Variants in CDH4 observed in about 807,000 individuals in gnomAD.
CDH4 encodes cadherin-4.
CDH4 carries 33 observed loss-of-function variants against 86.0 expected under a neutral mutation model. That is an observed-to-expected ratio of 0.38 (90% CI 0.29 to 0.51). The LOEUF (loss-of-function observed/expected upper bound fraction) is 0.51. CDH4 is among the 20% of genes least tolerant of loss of function. The pLI is 0.86. For synonymous variants in CDH4, 555 were observed against 549.4 expected (o/e 1.01, Z -0.14); for missense variants, 1,114 against 1,307.4 (o/e 0.85, Z 2.28).
intron 4 of CDH4, among the ~76,000 whole-genome samples, chr20:61,816,088 C>T (rs570110375): frequency 4.1e-4 from 63 of 152,294 alleles, no homozygotes; most frequent in Middle Eastern, 6.8e-3. Flanking sequence ...GCAAGCACCC[C>T]GCAGAAGGGC....
intron 2 of CDH4, among the ~76,000 whole-genome samples, chr20:61,688,522 G>C (rs577234736): frequency 6.6e-6 from 1 of 152,240 alleles, no homozygotes; most frequent in Non-Finnish European, 1.5e-5. Context: ...CCCCTGGACC[G>C]CACTCTGGGC....
chr20:61,664,666 G>A (rs1175578378), intron 2 of CDH4, among the ~76,000 whole-genome samples: 1 of 152,218 alleles, frequency 6.6e-6, no homozygotes, highest in African/African-American at 2.4e-5. Context: ...ATAGAGCCTG[G>A]GCAGCCCAGA....
At chr20:61,303,931 T>G (rs993480119) in intron 2 of CDH4, among the ~76,000 whole-genome samples, 1 of 152,154 alleles carries the variant, frequency 6.6e-6, no homozygotes, top group Non-Finnish European at 1.5e-5. Context: ...CACCTCCTCT[T>G]AAATAATAGA....
At chr20:61,611,628 C>G (rs1361998414) in intron 2 of CDH4, among the ~76,000 whole-genome samples, 1 of 152,126 alleles carries the variant, frequency 6.6e-6, no homozygotes, top group Non-Finnish European at 1.5e-5. Context: ...TCAGAGGTCA[C>G]AAGAGCTTTT....
chr20:61,355,207 T>A (rs957315951), intron 2 of CDH4, among the ~76,000 whole-genome samples: 1 of 152,130 alleles, frequency 6.6e-6, no homozygotes, highest in Non-Finnish European at 1.5e-5. Flanking sequence ...CCCTGGAGAA[T>A]TGAAGTCCTT....
chr20:61,400,588 G>T (rs62199087), intron 2 of CDH4, among the ~76,000 whole-genome samples: 1 of 152,154 alleles, frequency 6.6e-6, no homozygotes, highest in Non-Finnish European at 1.5e-5. Flanking sequence ...ATATGGTCAC[G>T]CATGGATCCA....
At chr20:61,253,523 C>T (rs2084077935) in intron 1 of CDH4, among the ~76,000 whole-genome samples, 1 of 151,852 alleles carries the variant, frequency 6.6e-6, no homozygotes, top group African/African-American at 2.4e-5. Context: ...AAACAAGTGC[C>T]AGCGGCGGGA....
At chr20:61,585,945 TGATGAGGAG>T (rs1282061179) in intron 2 of CDH4, among the ~76,000 whole-genome samples, 5 of 147,320 alleles carry the variant, frequency 3.4e-5, no homozygotes, top group African/African-American at 1.3e-4. Flanking sequence ...GATGAGGTGG[TGATGAGGAG>T]GATGATGGTG....
intron 4 of CDH4, among the ~76,000 whole-genome samples, chr20:61,839,884 GTGTGTGTA>G (rs1038319303): frequency 1.8e-4 from 28 of 151,578 alleles, no homozygotes; most frequent in African/African-American, 6.6e-4. Context: ...CTTGTGTGGT[GTGTGTGTA>G]TGTGTGTACT....
At chr20:61,447,624 CT>C (rs11204461) in intron 2 of CDH4, among the ~76,000 whole-genome samples, 42,864 of 101,930 alleles carry the variant, frequency 0.42, 7,588 homozygotes, top group Admixed American at 0.48. Context: ...ATTCTACTTC[CT>C]TTTTTTTTTT....
rs527628620 is a variant in CDH4 at position 61,912,856 on chromosome 20, G to A, written c.1374+2249G>A. Among the ~76,000 whole-genome samples, 256 of 152,328 alleles carry A rather than the reference G, an allele frequency of 1.7e-3. 1 individual carries two copies. The highest frequency in any genetic ancestry group is 3.4e-3 in the Middle Eastern group (1 of 294). The stretch of plus-strand genomic sequence containing the variant: ...AAACCCTTTCTCCTTTTCTCTGGGC[G>A]CATTTGACCTCAAGCTAACATTCTA... On this transcript the variant is annotated intron_variant, in intron 9 of 15. Transcript: ENST00000614565.
chr20:61,727,110 C>T (rs1473162142), intron 2 of CDH4, among the ~76,000 whole-genome samples: 2 of 152,126 alleles, frequency 1.3e-5, no homozygotes, highest in African/African-American at 4.8e-5. Flanking sequence ...GAGCCATCAC[C>T]ATCGTTGCCA....
chr20:61,772,278 G>A (rs1019652340), intron 3 of CDH4, among the ~76,000 whole-genome samples: 2 of 151,942 alleles, frequency 1.3e-5, no homozygotes, highest in South Asian at 2.1e-4. Flanking sequence ...GTCAGCCTCC[G>A]CCCACTGACT....
chr20:61,728,698 C>T (rs2088142952), intron 2 of CDH4, among the ~76,000 whole-genome samples: 1 of 152,128 alleles, frequency 6.6e-6, no homozygotes, highest in South Asian at 2.1e-4. Context: ...TCTGAGCAGA[C>T]AGTATTGAAT....
chr20:61,566,967 G>T (rs1311710953), intron 2 of CDH4, among the ~76,000 whole-genome samples: 2 of 152,188 alleles, frequency 1.3e-5, no homozygotes, highest in East Asian at 3.9e-4. Context: ...TGATGGGCTT[G>T]CCTGCCTCGG....
At position 61,451,913 on chromosome 20, in the gene CDH4, A is replaced by T. The variant is rs147919088; in HGVS notation, c.169+196976A>T. Reference sequence around the variant, plus strand: ...TAGGCACTTAGATGATTTAGGGAGAAACCACTGGAAAATTAATTATCCAGA... The same window carrying T: ...TAGGCACTTAGATGATTTAGGGAGATACCACTGGAAAATTAATTATCCAGA... On this transcript the variant is annotated intron_variant, in intron 2 of 15. Coordinates refer to ENST00000614565, the MANE Select transcript of CDH4 (RefSeq NM_001794.5). 2.0e-3 allele frequency among the ~76,000 whole-genome samples: 298 copies of T among 152,362 alleles called. 2 individuals carry two copies. The highest frequency in any genetic ancestry group is 3.7e-3 in the Admixed American group (56 of 15,308).
In CDH4 at chr20:61,754,664, G is replaced by A. The variant is rs1006701089; in HGVS notation, c.396+10875G>A. Among the ~76,000 whole-genome samples the A allele has an allele frequency of 8.4e-6, 1 of 119,758 alleles. No individual in the cohort carries two copies. The highest frequency in any genetic ancestry group is 3.3e-5 in the African/African-American group (1 of 30,636). 78.6% of individuals were successfully genotyped at this position (119,758 alleles called of 152,430 possible). On this transcript the variant is annotated intron_variant, in intron 3 of 15. Coordinates refer to ENST00000614565, the MANE Select transcript of CDH4 (RefSeq NM_001794.5). This position sits in a 1 kb window ranked among gnomAD's most constrained non-coding sequence, Gnocchi z 4.7. ...CGCCCCACACACCACACGCACACAC[G>A]CCCCGCACACACTATGCACACCACA...
intron 2 of CDH4, among the ~76,000 whole-genome samples, chr20:61,335,140 A>G (rs1327711121): frequency 1.3e-5 from 2 of 152,186 alleles, no homozygotes; most frequent in African/African-American, 4.8e-5. Context: ...TCTCGCGGCC[A>G]TTGACAAATG....
intron 2 of CDH4, among the ~76,000 whole-genome samples, chr20:61,423,183 G>A (rs2085189834): frequency 6.6e-6 from 1 of 152,154 alleles, no homozygotes; most frequent in African/African-American, 2.4e-5. Flanking sequence ...CCACGAGGAT[G>A]GGACAGACCC....
Sources: gnomAD v4.1 joint callset for allele counts (sites outside exome capture counted in the v4.1 genomes callset) on GRCh38, gnomAD v4.1.1 for gene constraint, Gnocchi (gnomAD v3.1) non-coding constraint, MANE v1.5 for transcripts, NCBI Gene and HGNC (gene_info 2026-07-23, HGNC 2026-07-21) for gene names.